CACUL1: variants seen among roughly 807,000 people sequenced by gnomAD.
CACUL1 encodes CDK2-associated and cullin domain-containing protein 1.
In CACUL1, 13 loss-of-function variants were observed where a neutral mutation model predicts 45.2. The observed-to-expected ratio is 0.29, with a 90% CI of 0.19 to 0.46. CACUL1 has a LOEUF of 0.46. Among genes scored for constraint, CACUL1 ranks in the 20% least tolerant of loss-of-function variants. CACUL1 has a pLI of 1.00. For synonymous variants in CACUL1, 197 were observed against 174.2 expected, an observed-to-expected ratio of 1.13 and a Z score of -1.03; for missense variants, 421 against 471.4, an observed-to-expected ratio of 0.89 and a Z score of 0.99.
chr10:118,693,914 C>T (rs1185383195), intron 6 of CACUL1, among the ~76,000 whole-genome samples: 1 of 152,030 alleles, frequency 6.6e-6, no homozygotes, highest in Non-Finnish European at 1.5e-5. Context: ...TTAAAGTAGC[C>T]TAAGGGTTTT....
chr10:118,734,480 A>C (rs1845723399), intron 1 of CACUL1, among the ~76,000 whole-genome samples: 2 of 152,246 alleles, frequency 1.3e-5, no homozygotes, highest in Non-Finnish European at 2.9e-5. Flanking sequence ...AGTTACCATT[A>C]AATTACTAAA....
chr10:118,751,664 T>C (rs1201012365), intron 1 of CACUL1, among the ~76,000 whole-genome samples: 1 of 152,240 alleles, frequency 6.6e-6, no homozygotes, highest in Admixed American at 6.5e-5. Flanking sequence ...TTAAGATTGA[T>C]TCTGTTATTC....
chr10:118,687,823 A>AT (rs1845223407), intron 7 of CACUL1, among the ~76,000 whole-genome samples: 1 of 150,830 alleles, frequency 6.6e-6, no homozygotes, highest in Non-Finnish European at 1.5e-5. Flanking sequence ...ACTACTCAAT[A>AT]TTATTTTTTT....
At chr10:118,712,573 G>C (rs1845499353) in intron 3 of CACUL1, among the ~76,000 whole-genome samples, 1 of 152,238 alleles carries the variant, frequency 6.6e-6, no homozygotes, top group Non-Finnish European at 1.5e-5. Flanking sequence ...GCAAGACAAA[G>C]AGGAGCTTCA....
intron 3 of CACUL1, among the ~76,000 whole-genome samples, chr10:118,711,542 G>T (rs1213442609): frequency 1.3e-5 from 2 of 152,062 alleles, no homozygotes; most frequent in Non-Finnish European, 2.9e-5. Context: ...GGCATTCAAA[G>T]AAATAAATTT....
intron 3 of CACUL1, among the ~76,000 whole-genome samples, chr10:118,715,613 A>G (rs1211069433): frequency 6.6e-6 from 1 of 152,220 alleles, no homozygotes; most frequent in Non-Finnish European, 1.5e-5. Context: ...TTTAATTGTA[A>G]TAGTTACACA....
At chr10:118,752,410 C>T (rs1438768900) in intron 1 of CACUL1, among the ~76,000 whole-genome samples, 2 of 151,972 alleles carry the variant, frequency 1.3e-5, no homozygotes, top group East Asian at 1.9e-4. Context: ...TTGAGATAAT[C>T]GTAATTTTTT....
intron 3 of CACUL1, among the ~76,000 whole-genome samples, chr10:118,724,523 AAG>A (rs1309862957): frequency 2.0e-5 from 3 of 152,184 alleles, no homozygotes; most frequent in Non-Finnish European, 4.4e-5. Flanking sequence ...AAAACCACTC[AAG>A]TTTTTTTTAC....
chr10:118,686,234 G>GT, intron 8 of CACUL1, 66 bp from the exon 9 acceptor site: 1 of 1,325,762 alleles, frequency 7.5e-7, no homozygotes, highest in African/African-American at 1.4e-5. Flanking sequence ...GCAGGAATCT[G>GT]TTTATTCAAC....
chr10:118,754,922 C>T lies in CACUL1; in HGVS notation c.-160G>A, dbSNP rs374109687. ...GCAGGGTCTCTCGCTCTCCGCGGGG[C>T]CGACTAGCTTGAAGACGCGGCTGAC... On this transcript the variant is annotated 5_prime_UTR_variant, in exon 1 of 9. Coordinates refer to ENST00000369151, the MANE Select transcript of CACUL1 (RefSeq NM_153810.5). 3.2e-5 allele frequency: 33 copies of T among 1,020,344 alleles called. No individual in the cohort carries two copies. The African/African-American group carries it at 3.4e-4, about 11-fold the overall frequency. The allele number at this position is 1,020,344 out of a possible 1,614,324, so 63.2% of individuals were successfully genotyped here.
chr10:118,702,865 A>C (rs1845396410), intron 4 of CACUL1, among the ~76,000 whole-genome samples: 1 of 152,200 alleles, frequency 6.6e-6, no homozygotes, highest in South Asian at 2.1e-4. Context: ...TACAGGCGTG[A>C]GCCACCATGC....
intron 3 of CACUL1, among the ~76,000 whole-genome samples, chr10:118,713,631 T>C (rs986113012): frequency 6.6e-6 from 1 of 152,244 alleles, no homozygotes; most frequent in Non-Finnish European, 1.5e-5. Flanking sequence ...AAAATTCAAA[T>C]GAGTTCAAAT....
chr10:118,708,097 G>A (rs988226084), intron 3 of CACUL1, among the ~76,000 whole-genome samples: 4 of 138,040 alleles, frequency 2.9e-5, no homozygotes, highest in East Asian at 4.2e-4. Context: ...GCAGTGAGCC[G>A]AGATCATACC....
Position 118,751,325 on chromosome 10 carries a change from A to G in CACUL1, c.367+3071T>C, listed in dbSNP as rs1239024606. Among the ~76,000 whole-genome samples, 5 of 152,218 alleles carry G rather than the reference A, an allele frequency of 3.3e-5. No homozygotes were observed. The South Asian group carries it at 8.3e-4, about 25-fold the overall frequency. ...AAAAGTACTTCCCTGTCCCTAGGGA[A>G]AGAGCTTAACATTTTCAATAATGTT... On this transcript the variant is annotated intron_variant, in intron 1 of 8. Transcript: ENST00000369151.
At chr10:118,696,992 G>T (rs1295475020) in intron 5 of CACUL1, among the ~76,000 whole-genome samples, 2 of 140,422 alleles carry the variant, frequency 1.4e-5, no homozygotes, top group Non-Finnish European at 3.1e-5. Flanking sequence ...ATTTGATAAA[G>T]AAATGATAAA....
At chr10:118,708,147 C>A (rs368999036) in intron 3 of CACUL1, among the ~76,000 whole-genome samples, 1,088 of 103,656 alleles carry the variant, frequency 0.01, no homozygotes, top group East Asian at 0.015. Context: ...AACACTGTCT[C>A]AAAAAAAAAA....
At chr10:118,754,285 G>A (rs570028000) in intron 1 of CACUL1, 111 bp downstream of exon 1, 56 of 1,408,358 alleles carry the variant, frequency 4.0e-5, no homozygotes, top group Non-Finnish European at 4.6e-5. Flanking sequence ...GGGAGAAGAG[G>A]AAAGACCGAG....
chr10:118,715,812 G>A (rs1845537035), intron 3 of CACUL1, among the ~76,000 whole-genome samples: 1 of 152,118 alleles, frequency 6.6e-6, no homozygotes, highest in African/African-American at 2.4e-5. Flanking sequence ...AGTGACTTTT[G>A]CATGCTAGAA....
chr10:118,749,900 C>T (rs1407747535), intron 1 of CACUL1, among the ~76,000 whole-genome samples: 1 of 152,220 alleles, frequency 6.6e-6, no homozygotes, highest in African/African-American at 2.4e-5. Context: ...GTTCCCTAAC[C>T]TGTGAAGTCA....
Sources: gnomAD v4.1 joint callset for allele counts (sites outside exome capture counted in the v4.1 genomes callset) on GRCh38, gnomAD v4.1.1 for gene constraint, MANE v1.5 for transcripts, NCBI Gene and HGNC (gene_info 2026-07-23, HGNC 2026-07-21) for gene names.